Variants in ADGRL3 observed in about 807,000 individuals in gnomAD.
ADGRL3 encodes the protein calcium-independent alpha-latrotoxin receptor 3.
In ADGRL3, 62 loss-of-function variants were observed where a neutral mutation model predicts 153.5. The observed-to-expected ratio is 0.40, with a 90% confidence interval of 0.33 to 0.50. The LOEUF (loss-of-function observed/expected upper bound fraction) is 0.50, where lower values mean the gene tolerates loss of function less well. Among genes scored for constraint, ADGRL3 ranks in the 20% least tolerant of loss-of-function variants. The probability of loss-of-function intolerance (pLI) is 0.47; values close to 1 mark genes in which losing one functional copy is unlikely to be tolerated. For synonymous variants in ADGRL3, 710 were observed against 672.5 expected, an observed-to-expected ratio of 1.06 and a Z score of -0.86; for missense variants, 1,641 against 1,859.4, an observed-to-expected ratio of 0.88 and a Z score of 2.16.
intron 8 of ADGRL3, among the ~76,000 whole-genome samples, chr4:61,747,609 C>A (rs1261722155): frequency 4.1e-5 from 6 of 146,302 alleles, no homozygotes; most frequent in Non-Finnish European, 8.9e-5. Context: ...ACAAAAACCA[C>A]ATGATTATCT....
chr4:61,516,193 T>C (rs1035604250), intron 3 of ADGRL3, among the ~76,000 whole-genome samples: 1 of 152,128 alleles, frequency 6.6e-6, no homozygotes, highest in Non-Finnish European at 1.5e-5. Context: ...ACACTTCTAA[T>C]CTGCAGATAT....
intron 1 of ADGRL3, among the ~76,000 whole-genome samples, chr4:61,254,327 A>G (rs2149478492): frequency 1.3e-5 from 2 of 152,268 alleles, no homozygotes; most frequent in Middle Eastern, 6.8e-3. Flanking sequence ...TGAGTTAGGG[A>G]TATAGTGTGT....
At chr4:61,909,444 A>G in intron 11 of ADGRL3, 116 bp from the exon 12 acceptor site, 1 of 676,158 alleles carries the variant, frequency 1.5e-6, no homozygotes, top group Non-Finnish European at 2.4e-6. Flanking sequence ...GATGAAGTTT[A>G]ACAACTATTT....
At chr4:61,412,125 G>T (rs1356458317) in intron 2 of ADGRL3, among the ~76,000 whole-genome samples, 1 of 151,870 alleles carries the variant, frequency 6.6e-6, no homozygotes, top group Non-Finnish European at 1.5e-5. Flanking sequence ...AGACTCTGTT[G>T]TCCAGGTGGC....
chr4:62,057,720 C>CA (rs1243922074), intron 25 of ADGRL3, among the ~76,000 whole-genome samples: 1 of 152,080 alleles, frequency 6.6e-6, no homozygotes, highest in Non-Finnish European at 1.5e-5. Flanking sequence ...CTCTGTCGCC[C>CA]AGGCTGGAAT....
intron 8 of ADGRL3, among the ~76,000 whole-genome samples, chr4:61,755,474 T>A (rs1465570985): frequency 6.6e-6 from 1 of 152,200 alleles, no homozygotes; most frequent in Non-Finnish European, 1.5e-5. Context: ...TTGTTTGTTT[T>A]TTTCTTGTAA....
At chr4:61,485,290 A>G (rs1012662754) in intron 2 of ADGRL3, among the ~76,000 whole-genome samples, 52 of 152,230 alleles carry the variant, frequency 3.4e-4, no homozygotes, top group Admixed American at 1.1e-3. Context: ...TGTGAATTGC[A>G]AAAGAGACCA....
chr4:61,845,548 A>G lies in ADGRL3; in HGVS notation c.1480+31659A>G, dbSNP rs531132070. Among the ~76,000 whole-genome samples, 10 of 144,148 alleles carry G rather than the reference A, an allele frequency of 6.9e-5. No individual in the cohort carries two copies. In the South Asian group the frequency reaches 2.0e-3, roughly 29 times the overall value. 94.6% of individuals were successfully genotyped at this position (144,148 alleles called of 152,430 possible). A position where few individuals can be genotyped will look rare whatever the true frequency, so the allele number is the denominator to read the frequency against. On this transcript the variant is annotated intron_variant, in intron 9 of 26. Coordinates refer to ENST00000683033, the MANE Select transcript of ADGRL3 (RefSeq NM_001387552.1). Reference sequence around the variant, plus strand: ...ATTTTTTTCTTTTTTTTTTTTTTGCAGAGACAGCAGTCTTACTATGTTGCC... The same window carrying G: ...ATTTTTTTCTTTTTTTTTTTTTTGCGGAGACAGCAGTCTTACTATGTTGCC...
Position 61,577,228 on chromosome 4 carries a change from GGA to G in ADGRL3, c.260-9998_260-9997del, listed in dbSNP as rs200180573. 5.4e-3 allele frequency among the ~76,000 whole-genome samples: 781 copies of G among 145,660 alleles called. 8 individuals carry two copies. The highest frequency in any genetic ancestry group is 0.017 in the African/African-American group (683 of 40,268). On this transcript the variant is annotated intron_variant, in intron 4 of 26. Transcript: ENST00000683033. The stretch of plus-strand genomic sequence containing the variant: ...TGTGTGTGTTAGGGAAATGGGGGGG[GGA>G]TGAGGGAGGGAAGGGAAGAATGTGA...
intron 12 of ADGRL3, among the ~76,000 whole-genome samples, chr4:61,912,415 A>G (rs953491638): frequency 6.6e-6 from 1 of 152,180 alleles, no homozygotes. Flanking sequence ...ATCATTTCAA[A>G]CGAATGAAGT....
chr4:61,934,465 T>A (rs1321642686), intron 13 of ADGRL3, among the ~76,000 whole-genome samples: 2 of 152,158 alleles, frequency 1.3e-5, no homozygotes, highest in African/African-American at 4.8e-5. Context: ...CAGAAAAAAA[T>A]TATTTTCTCT....
chr4:61,403,973 G>T (rs552252445), intron 2 of ADGRL3, among the ~76,000 whole-genome samples: 29 of 152,096 alleles, frequency 1.9e-4, no homozygotes, highest in African/African-American at 6.7e-4. Flanking sequence ...AATCTTAATT[G>T]CTTCCTTAGA....
chr4:62,034,509 C>T (rs945890050), intron 23 of ADGRL3, among the ~76,000 whole-genome samples: 23 of 151,646 alleles, frequency 1.5e-4, no homozygotes, highest in Non-Finnish European at 2.4e-4. Flanking sequence ...ATACAGAAAA[C>T]GTATAATTAT....
At chr4:61,828,964 T>G (rs1286446470) in intron 9 of ADGRL3, among the ~76,000 whole-genome samples, 2 of 152,232 alleles carry the variant, frequency 1.3e-5, no homozygotes, top group African/African-American at 4.8e-5. Flanking sequence ...CTATTTCTCG[T>G]GGTCATGCTC....
chr4:61,319,666 C>G (rs886541715), intron 1 of ADGRL3, among the ~76,000 whole-genome samples: 2 of 152,070 alleles, frequency 1.3e-5, no homozygotes, highest in East Asian at 3.9e-4. Flanking sequence ...GATTGTACGT[C>G]AAATGAGAAT....
chr4:61,653,667 A>T (rs945784411), intron 5 of ADGRL3, among the ~76,000 whole-genome samples: 3 of 152,194 alleles, frequency 2.0e-5, no homozygotes, highest in Non-Finnish European at 4.4e-5. Flanking sequence ...ACTGTCCCTC[A>T]GCACTACCAG....
At chr4:61,474,887 T>G (rs2098024501) in intron 2 of ADGRL3, among the ~76,000 whole-genome samples, 1 of 152,110 alleles carries the variant, frequency 6.6e-6, no homozygotes. Flanking sequence ...CCCACAAGAT[T>G]TTGAAGTTGC....
intron 2 of ADGRL3, among the ~76,000 whole-genome samples, chr4:61,397,122 C>T (rs530064171): frequency 9.2e-5 from 14 of 151,824 alleles, no homozygotes; most frequent in Middle Eastern, 3.4e-3. Flanking sequence ...CAAATATCAT[C>T]AAATTTTATG....
At chr4:61,935,221 G>C (rs1560398399) in intron 14 of ADGRL3, among the ~76,000 whole-genome samples, 198 bp downstream of exon 14, 1 of 152,052 alleles carries the variant, frequency 6.6e-6, no homozygotes, top group Non-Finnish European at 1.5e-5. Context: ...ATCTTTCTTA[G>C]GACATTTCAA....
Sources: gnomAD v4.1 joint callset for allele counts (sites outside exome capture counted in the v4.1 genomes callset) on GRCh38, gnomAD v4.1.1 for gene constraint, MANE v1.5 for transcripts, NCBI Gene and HGNC (gene_info 2026-07-23, HGNC 2026-07-21) for gene names.